The following CCN6 variants were observed in gnomAD, a reference collection of about 807,000 sequenced individuals.
The protein encoded by CCN6 is cellular communication network factor 6, also known as CCN family member 6.
A neutral mutation model predicts 37.4 loss-of-function variants in CCN6; 31 were observed. The ratio of observed to expected loss-of-function variants is 0.83; its 90% CI spans 0.62 to 1.12. CCN6 has a LOEUF of 1.12. Ranked by LOEUF, CCN6 falls within the 50% of genes most tolerant of loss-of-function variation. CCN6 has a pLI of 0.00. For missense variants in CCN6, 369 were observed against 413.8 expected, an observed-to-expected ratio of 0.89 and a Z score of 0.94; for synonymous variants, 137 against 142.1, an observed-to-expected ratio of 0.96 and a Z score of 0.26.
intron 3 of CCN6, among the ~76,000 whole-genome samples, chr6:112,065,705 A>G (rs1554313864): frequency 6.6e-6 from 1 of 152,114 alleles, no homozygotes; most frequent in Non-Finnish European, 1.5e-5. Context: ...CTATGTTCTC[A>G]GAAAAATGAA....
chr6:112,061,592 C>T (rs142374620), intron 2 of CCN6, among the ~76,000 whole-genome samples: 173 of 152,266 alleles, frequency 1.1e-3, no homozygotes, highest in African/African-American at 3.9e-3. Context: ...TAAAGAGCTA[C>T]AAAATGACAG....
upstream of CCN6, chr6:112,054,093 A>C: frequency 1.6e-6 from 1 of 625,836 alleles, no homozygotes; most frequent in Non-Finnish European, 2.9e-6. Flanking sequence ...CCGGGAGGAA[A>C]GTGCTCGCCC....
At chr6:112,061,676 T>C (rs587696954) in intron 2 of CCN6, among the ~76,000 whole-genome samples, 50 of 152,342 alleles carry the variant, frequency 3.3e-4, no homozygotes, top group Non-Finnish European at 5.7e-4. Context: ...TTAAAAATAC[T>C]AGAATGTATA....
At chr6:112,061,463 A>T (rs1776520389) in intron 2 of CCN6, 175 bp downstream of exon 2, 1 of 751,540 alleles carries the variant, frequency 1.3e-6, no homozygotes, top group Admixed American at 2.2e-5. Context: ...AAATTAGCAG[A>T]TGCTTACACA....
At chr6:112,055,467 ATGGATTATTT>A (rs1369246371) in intron 1 of CCN6, among the ~76,000 whole-genome samples, 1 of 152,214 alleles carries the variant, frequency 6.6e-6, no homozygotes, top group African/African-American at 2.4e-5. Flanking sequence ...AGCGGTAAAA[ATGGATTATTT>A]TGTGCTTAAC....
upstream of CCN6, among the ~76,000 whole-genome samples, chr6:112,053,321 A>G (rs1776257830): frequency 6.7e-6 from 1 of 149,354 alleles, no homozygotes; most frequent in South Asian, 2.1e-4. Flanking sequence ...TTTGAGAATA[A>G]TTCTCACTCT....
intron 4 of CCN6, 145 bp downstream of exon 4, chr6:112,068,543 G>A (rs1398550171): frequency 5.0e-6 from 4 of 799,076 alleles, no homozygotes; most frequent in Non-Finnish European, 7.6e-6. Flanking sequence ...AACTATTTCA[G>A]AGGAAAACAG....
intron 3 of CCN6, among the ~76,000 whole-genome samples, chr6:112,066,066 G>T (rs947014951): frequency 6.6e-6 from 1 of 152,070 alleles, no homozygotes; most frequent in African/African-American, 2.4e-5. Flanking sequence ...TTTAATAAAG[G>T]CAACTATAAG....
Position 112,069,319 on chromosome 6 carries a change from C to T in CCN6, c.784-20C>T, listed in dbSNP as rs199644696. 6 of 1,609,970 alleles carry T rather than the reference C, an allele frequency of 3.7e-6. No homozygotes were observed. In the Admixed American group the frequency reaches 5.0e-5, roughly 13 times the overall value. On this transcript the variant is annotated intron_variant, in intron 4 of 4. Coordinates refer to ENST00000368666, the MANE Select transcript of CCN6 (RefSeq NM_198239.2). The stretch of plus-strand genomic sequence containing the variant: ...TGTAATAAAATTTAAAGAATGACTT[C>T]ATTTTATCTATCTTTTCAGATTCCC...
At chr6:112,055,237 C>T (rs902665427) in intron 1 of CCN6, among the ~76,000 whole-genome samples, 1 of 152,144 alleles carries the variant, frequency 6.6e-6, no homozygotes, top group African/African-American at 2.4e-5. Context: ...TTTACGATTT[C>T]AAAAGAATCA....
At chr6:112,053,865 T>TG (rs376487825), upstream of CCN6, among the ~76,000 whole-genome samples, 1 of 102,798 alleles carries the variant, frequency 9.7e-6, no homozygotes, top group South Asian at 3.9e-4. Flanking sequence ...GTGCTGTTGG[T>TG]GGGGGGGCCA....
At position 112,061,024 on chromosome 6, in the gene CCN6, G is replaced by T. The variant is rs587766098; in HGVS notation, c.82G>T (p.Asp28Tyr). ...CCRVQGTGPL[D>Y]TTPEGRPGEV... The stretch of plus-strand genomic sequence containing the variant: ...CAGGGTACAGGGCACTGGACCATTA[G>T]ATACAACACCTGAAGGAAGGCCTGG... Residue 28 changes from aspartate (D) to tyrosine (Y), a missense_variant, in exon 2 of 5, where the codon GAT becomes TAT. By Grantham distance (160) the Asp-to-Tyr change is radical. Transcript: ENST00000368666. The T allele has an allele frequency of 6.2e-7, 1 of 1,614,036 alleles. No individual in the cohort carries two copies. The highest frequency in any genetic ancestry group is 1.7e-5 in the Admixed American group (1 of 60,002).
chr6:112,054,384 T>C lies in CCN6; in HGVS notation c.27T>C (p.Leu9=). Reference sequence around the variant, plus strand: ...TGCAGGGGCTCCTCTTCTCCACTCTTCTGCTTGCTGGCCTGGCACAGGTAA... The same window carrying C: ...TGCAGGGGCTCCTCTTCTCCACTCTCCTGCTTGCTGGCCTGGCACAGGTAA... The part of the protein sequence containing the change: MQGLLFST[L]LLAGLAQFCC... Residue 9 remains leucine (L), a synonymous_variant, in exon 1 of 5, where the codon CTT becomes CTC. Coordinates refer to ENST00000368666, the MANE Select transcript of CCN6 (RefSeq NM_198239.2). 6.2e-7 allele frequency: 1 copy of C among 1,613,480 alleles called. No individual in the cohort carries two copies. Among genetic ancestry groups the C allele is most frequent in the Non-Finnish European group, 8.5e-7 (1 of 1,179,888 alleles).
rs1360806764 is a variant in CCN6, at chr6:112,056,371, A to AT, written c.48+1977dup. Among the ~76,000 whole-genome samples, 78 of 147,632 alleles carry AT rather than the reference A, an allele frequency of 5.3e-4. 1 individual carries two copies. In the South Asian group the frequency reaches 5.6e-3, roughly 11 times the overall value. On this transcript the variant is annotated intron_variant, in intron 1 of 4. Transcript: ENST00000368666. Reference sequence around the variant, plus strand: ...GGCTATATAATTCTGGATTGACAGGATTTTTTTTTTTCTCCGTTTAACATT... The same window carrying AT: ...GGCTATATAATTCTGGATTGACAGGATTTTTTTTTTTTCTCCGTTTAACATT...
chr6:112,057,662 C>A (rs587693198), intron 1 of CCN6, among the ~76,000 whole-genome samples: 23 of 152,188 alleles, frequency 1.5e-4, no homozygotes, highest in African/African-American at 4.1e-4. Context: ...TCTCACGGGT[C>A]CAGGGCTCAG....
At chr6:112,066,847 TA>T in intron 3 of CCN6, 2 of 731,678 alleles carry the variant, frequency 2.7e-6, no homozygotes, top group Non-Finnish European at 4.0e-6. Flanking sequence ...AAGCTTTGTT[TA>T]AAAAATCTCT....
At chr6:112,067,548 C>G (rs1776735481) in intron 3 of CCN6, among the ~76,000 whole-genome samples, 1 of 152,102 alleles carries the variant, frequency 6.6e-6, no homozygotes, top group Non-Finnish European at 1.5e-5. Context: ...AATTCGAAAT[C>G]TTAGCCAATT....
At chr6:112,069,125 TGAG>T (rs1264303307) in intron 4 of CCN6, among the ~76,000 whole-genome samples, 1 of 152,126 alleles carries the variant, frequency 6.6e-6, no homozygotes, top group Non-Finnish European at 1.5e-5. Flanking sequence ...CAAAAAACAT[TGAG>T]GAGTACGTGC....
chr6:112,054,249 G>A lies in CCN6; in HGVS notation c.-109G>A. The A allele has an allele frequency of 2.0e-6, 3 of 1,479,286 alleles. No individual in the cohort carries two copies. Among genetic ancestry groups the A allele is most frequent in the Non-Finnish European group, 2.8e-6 (3 of 1,057,042 alleles). The allele number at this position is 1,479,286 out of a possible 1,614,324, so 91.6% of individuals were successfully genotyped here. Reference sequence around the variant, plus strand: ...GGAGGTAGAGGGTGTGTGTTCTTGTGCAGAGGAGCGTGGGGTTTGCAGAGG... The same window carrying A: ...GGAGGTAGAGGGTGTGTGTTCTTGTACAGAGGAGCGTGGGGTTTGCAGAGG... On this transcript the variant is annotated 5_prime_UTR_variant, in exon 1 of 5. Transcript: ENST00000368666.
Sources: allele counts gnomAD v4.1 joint callset (sites outside exome capture counted in the v4.1 genomes callset), GRCh38; gene constraint gnomAD v4.1.1; transcripts MANE v1.5; gene names NCBI Gene and HGNC (gene_info 2026-07-23, HGNC 2026-07-21).